MID1: variants seen among roughly 807,000 people sequenced by gnomAD.
MID1 encodes midline 1.
A neutral mutation model predicts 40.4 loss-of-function variants in MID1; 7 were observed. The observed-to-expected ratio is 0.17, with a 90% CI of 0.10 to 0.33. MID1 has a LOEUF of 0.33. Among genes scored for constraint, MID1 ranks in the 10% least tolerant of loss-of-function variants. The pLI is 1.00. For synonymous variants in MID1, 229 were observed against 221.2 expected, an observed-to-expected ratio of 1.04 and a Z score of -0.31; for missense variants, 367 against 558.5, an observed-to-expected ratio of 0.66 and a Z score of 3.46.
Position 10,771,658 on chromosome X carries a change from ATTTTTTT to A in MID1, c.-187+61889_-187+61895del, listed in dbSNP as rs765034374. ...AGGCGCCTGACACCATGCCTGGCTAATTTTTTTTTTTTTTTTTTTTTTGTATTTTTAG... is the reference window on the plus strand; with the variant it reads ...AGGCGCCTGACACCATGCCTGGCTAATTTTTTTTTTTTTTTGTATTTTTAG... On this transcript the variant is annotated intron_variant, in intron 1 of 10. Transcript: ENST00000380785. Among the ~76,000 whole-genome samples, 206 of 82,264 alleles carry A rather than the reference ATTTTTTT, an allele frequency of 2.5e-3. 1 individual carries two copies. The highest frequency in any genetic ancestry group is 6.2e-3 in the African/African-American group (131 of 21,245). The allele number at this position is 82,264 out of a possible 115,157, so 71.4% of individuals were successfully genotyped here.
intron 1 of MID1, among the ~76,000 whole-genome samples, chrX:10,740,885 A>G (rs2043519284): frequency 9.7e-6 from 1 of 102,833 alleles, no homozygotes; most frequent in Non-Finnish European, 1.9e-5. Flanking sequence ...AAAAAGGATT[A>G]AGAACTTCAC....
chrX:10,514,450 T>C (rs1281445414), intron 3 of MID1, among the ~76,000 whole-genome samples: 1 of 111,967 alleles, frequency 8.9e-6, no homozygotes, highest in African/African-American at 3.2e-5. Context: ...ATGCCTGTTA[T>C]GAATCAAATT....
intron 1 of MID1, among the ~76,000 whole-genome samples, chrX:10,778,008 G>C (rs970417810): frequency 3.1e-4 from 35 of 111,204 alleles, no homozygotes; most frequent in African/African-American, 1.0e-3. Flanking sequence ...CCTCCTGAAG[G>C]ACCTGCCTAA....
At chrX:10,687,306 T>C (rs1044396377) in intron 1 of MID1, among the ~76,000 whole-genome samples, 16 of 111,994 alleles carry the variant, frequency 1.4e-4, no homozygotes, top group African/African-American at 5.2e-4. Flanking sequence ...TCTCCCTTTT[T>C]CCTGCCTGGA....
chrX:10,474,810 T>C (rs761669880), intron 5 of MID1, 60 bp from the exon 6 acceptor site: 21 of 1,129,947 alleles, frequency 1.9e-5, no homozygotes, highest in South Asian at 3.7e-5. Flanking sequence ...CATCACTGCA[T>C]AGAAATGAAA....
intron 1 of MID1, among the ~76,000 whole-genome samples, chrX:10,787,795 C>T (rs891086437): frequency 2.8e-5 from 3 of 106,896 alleles, no homozygotes; most frequent in Non-Finnish European, 5.8e-5. Context: ...AGTATAAATG[C>T]AAGTTAAACA....
chrX:10,713,708 A>C (rs759926815), intron 1 of MID1, among the ~76,000 whole-genome samples: 1 of 111,869 alleles, frequency 8.9e-6, no homozygotes, highest in Non-Finnish European at 1.9e-5. Flanking sequence ...AACTTTAACT[A>C]AAGATATAAA....
At chrX:10,566,560 T>C (rs921135548) in intron 2 of MID1, among the ~76,000 whole-genome samples, 24 of 103,560 alleles carry the variant, frequency 2.3e-4, no homozygotes, top group Non-Finnish European at 4.3e-4. Flanking sequence ...TCTCTCTCTC[T>C]CCCTCTCTCT....
chrX:10,498,216 C>T lies in MID1; in HGVS notation c.757-2525G>A, dbSNP rs553889328. Among the ~76,000 whole-genome samples the T allele has an allele frequency of 7.1e-5, 8 of 112,203 alleles. No homozygotes were observed. The East Asian group carries it at 2.3e-3, about 32-fold the overall frequency. Reference sequence around the variant, plus strand: ...CCTCTCAGGCTCAAGCAATCCTCCCCCTTCAGTCTCCTGAGTAGCTGGGAC... The same window carrying T: ...CCTCTCAGGCTCAAGCAATCCTCCCTCTTCAGTCTCCTGAGTAGCTGGGAC... On this transcript the variant is annotated intron_variant, in intron 3 of 9. Transcript: ENST00000317552.
intron 1 of MID1, among the ~76,000 whole-genome samples, chrX:10,772,375 A>G (rs1198831399): frequency 9.1e-6 from 1 of 110,356 alleles, no homozygotes. Flanking sequence ...ATCAAAAAGC[A>G]TAAGAATGAC....
intron 1 of MID1, among the ~76,000 whole-genome samples, chrX:10,772,186 T>C (rs2043775566): frequency 9.0e-6 from 1 of 111,091 alleles, no homozygotes; most frequent in Admixed American, 9.7e-5. Flanking sequence ...TGTGTGTGTA[T>C]ATATATCTAT....
At chrX:10,594,387 C>T (rs1935372784) in intron 1 of MID1, among the ~76,000 whole-genome samples, 1 of 111,597 alleles carries the variant, frequency 9.0e-6, no homozygotes, top group East Asian at 2.8e-4. Flanking sequence ...GACACCAAAA[C>T]ATAGGCACTT....
intron 9 of MID1, among the ~76,000 whole-genome samples, chrX:10,450,857 A>G (rs1018432644): frequency 1.2e-4 from 14 of 112,126 alleles, no homozygotes; most frequent in Non-Finnish European, 3.8e-5. Flanking sequence ...TAAGATAAAC[A>G]AAACCCATCA....
chrX:10,609,400 C>A (rs1297165021), intron 1 of MID1, among the ~76,000 whole-genome samples: 2 of 111,777 alleles, frequency 1.8e-5, no homozygotes, highest in African/African-American at 6.5e-5. Context: ...TAGTATGTAA[C>A]CAATACTCTG....
intron 1 of MID1, among the ~76,000 whole-genome samples, chrX:10,799,757 A>G (rs190522734): frequency 2.5e-4 from 28 of 112,186 alleles, no homozygotes; most frequent in African/African-American, 8.1e-4. Flanking sequence ...ACCAACAGGT[A>G]CTTTTCCTAT....
intron 2 of MID1, among the ~76,000 whole-genome samples, chrX:10,558,706 A>G (rs1934219394): frequency 8.9e-6 from 1 of 112,852 alleles, no homozygotes; most frequent in South Asian, 3.6e-4. Flanking sequence ...GCCAGGCACA[A>G]TGCTAAGGCA....
intron 3 of MID1, among the ~76,000 whole-genome samples, chrX:10,516,295 C>T (rs908683041): frequency 1.9e-5 from 2 of 105,385 alleles, no homozygotes; most frequent in African/African-American, 3.5e-5. Context: ...CCCGGGTTCA[C>T]GCCATTCTCC....
chrX:10,642,273 G>A lies in MID1; in HGVS notation c.-186-21854C>T, dbSNP rs747226714. Among the ~76,000 whole-genome samples, 9 of 111,377 alleles carry A rather than the reference G, an allele frequency of 8.1e-5. No individual in the cohort carries two copies. In the East Asian group the frequency reaches 8.4e-4, roughly 10 times the overall value. On this transcript the variant is annotated intron_variant, in intron 1 of 10. Transcript: ENST00000380785. ...GACTGTATATTTAGAAAATCCCATC[G>A]TCTCAGCCCAAAATCTCCTTAAGCT... is the stretch of plus-strand genomic sequence containing the variant.
intron 1 of MID1, among the ~76,000 whole-genome samples, chrX:10,704,739 T>TATATATATACAC (rs1233692170): frequency 5.0e-4 from 41 of 82,183 alleles, no homozygotes; most frequent in African/African-American, 2.2e-3. Context: ...TATATATATA[T>TATATATATACAC]ACACACACAC....
Sources: allele counts gnomAD v4.1 joint callset (sites outside exome capture counted in the v4.1 genomes callset), GRCh38; gene constraint gnomAD v4.1.1; transcripts MANE v1.5; gene names NCBI Gene and HGNC (gene_info 2026-07-23, HGNC 2026-07-21).